The following MAN1C1 variants were observed in gnomAD, a reference collection of about 807,000 sequenced individuals.
MAN1C1 encodes the protein mannosyl-oligosaccharide 1,2-alpha-mannosidase IC.
Under a neutral mutation model 71.5 loss-of-function variants are expected in MAN1C1, and 49 were observed. That is an observed-to-expected ratio of 0.69 (90% CI 0.54 to 0.87). MAN1C1 has a LOEUF of 0.87. MAN1C1 is among the 40% of genes least tolerant of loss of function. The pLI is 0.00. For missense variants in MAN1C1, 743 were observed against 835.0 expected, an observed-to-expected ratio of 0.89 and a Z score of 1.36; for synonymous variants, 352 against 343.7, an observed-to-expected ratio of 1.02 and a Z score of -0.27.
chr1:25,708,313 TA>T (rs1037750806), intron 2 of MAN1C1, among the ~76,000 whole-genome samples: 3 of 152,124 alleles, frequency 2.0e-5, no homozygotes, highest in African/African-American at 4.8e-5. Flanking sequence ...ATGGCATTTA[TA>T]AATAGTCATG....
chr1:25,683,799 G>T (rs1030097374), intron 1 of MAN1C1, among the ~76,000 whole-genome samples: 3 of 152,166 alleles, frequency 2.0e-5, no homozygotes, highest in African/African-American at 7.2e-5. Flanking sequence ...TTCATCCCCT[G>T]TCCCCTGCTC....
At chr1:25,761,869 C>T (rs1290230714) in intron 6 of MAN1C1, among the ~76,000 whole-genome samples, 2 of 151,814 alleles carry the variant, frequency 1.3e-5, no homozygotes. Context: ...GTGATCTGCC[C>T]GCCTCGGCCT....
At chr1:25,676,657 G>A (rs764194594) in intron 1 of MAN1C1, among the ~76,000 whole-genome samples, 4 of 152,184 alleles carry the variant, frequency 2.6e-5, no homozygotes, top group African/African-American at 4.8e-5. Context: ...AATGGGGCCA[G>A]GTGTCACTGC....
chr1:25,626,576 T>C (rs984450417), intron 1 of MAN1C1, among the ~76,000 whole-genome samples: 5 of 152,106 alleles, frequency 3.3e-5, no homozygotes, highest in Non-Finnish European at 7.4e-5. Flanking sequence ...GCCAGGCTGG[T>C]TTCAATCTCC....
rs530217106 is a variant in MAN1C1 at position 25,731,092 on chromosome 1, A to G, written c.638-15576A>G. Among the ~76,000 whole-genome samples, 3 of 152,344 alleles carry G rather than the reference A, an allele frequency of 2.0e-5. No homozygotes were observed. The East Asian group carries it at 5.8e-4, about 29-fold the overall frequency. Reference sequence around the variant, plus strand: ...AGCACTTTGGGAGGTCGAGGTGGACAGACCGCCTGAGCCCAGGAGTTTGAG... The same window carrying G: ...AGCACTTTGGGAGGTCGAGGTGGACGGACCGCCTGAGCCCAGGAGTTTGAG... On this transcript the variant is annotated intron_variant, in intron 2 of 11. Transcript: ENST00000374332.
chr1:25,687,165 T>G (rs1480044013), intron 2 of MAN1C1, among the ~76,000 whole-genome samples: 3 of 152,112 alleles, frequency 2.0e-5, no homozygotes, highest in Non-Finnish European at 4.4e-5. Flanking sequence ...CACAAGCTAC[T>G]CGGAAGCCAA....
At chr1:25,781,873 T>C (rs2047700677) in intron 10 of MAN1C1, among the ~76,000 whole-genome samples, 1 of 152,158 alleles carries the variant, frequency 6.6e-6, no homozygotes, top group Non-Finnish European at 1.5e-5. Flanking sequence ...TGGGTAGAAA[T>C]TGTATTTATC....
Position 25,617,974 on chromosome 1 carries a change from G to T in MAN1C1, c.177G>T (p.Gln59His). The change falls in exon 1 of 12, where the codon CAG (glutamine) becomes CAT (histidine). Residue 59 changes from glutamine to histidine, a missense_variant. Gln to His is a conservative substitution (Grantham distance 24). Transcript: ENST00000374332. This position sits in a 1 kb window ranked among gnomAD's most constrained non-coding sequence, Gnocchi z 5.1. ...GCCTCTTCCTGGCCCCCCGGACCCA[G>T]CAGCCTGGTCTGGAAGTGGTGGCTG... ...LKRLFLAPRT[Q>H]QPGLEVVAEI... 1 of 1,608,032 alleles carries T rather than the reference G, an allele frequency of 6.2e-7. No homozygotes were observed. Among genetic ancestry groups the T allele is most frequent in the Non-Finnish European group, 8.5e-7 (1 of 1,177,970 alleles).
chr1:25,718,757 T>C (rs545504123), intron 2 of MAN1C1, among the ~76,000 whole-genome samples: 12 of 152,326 alleles, frequency 7.9e-5, no homozygotes, highest in African/African-American at 2.9e-4. Context: ...GTAGCATGCA[T>C]CAGTATTTCA....
rs561529446 is a variant in MAN1C1, at chr1:25,654,013, G to T, written c.541-32427G>T. On this transcript the variant is annotated intron_variant, in intron 1 of 11. Transcript: ENST00000374332. ...AGACCCCACAGCAAATAATTATCTG[G>T]CCCAACATGTCAGCAGTGCCGGGAC... Among the ~76,000 whole-genome samples, 4 of 152,242 alleles carry T rather than the reference G, an allele frequency of 2.6e-5. No homozygotes were observed. In the East Asian group the frequency reaches 5.8e-4, roughly 22 times the overall value.
At chr1:25,698,850 A>T (rs1159261766) in intron 2 of MAN1C1, among the ~76,000 whole-genome samples, 1 of 151,574 alleles carries the variant, frequency 6.6e-6, no homozygotes, top group Non-Finnish European at 1.5e-5. Flanking sequence ...TTGGGAGGCT[A>T]GGCAGGAGAA....
intron 2 of MAN1C1, 33 bp downstream of exon 2, chr1:25,686,569 G>A: frequency 6.3e-7 from 1 of 1,583,546 alleles, no homozygotes; most frequent in Non-Finnish European, 8.7e-7. Context: ...GATATTGGGA[G>A]GGACCCACCG....
intron 7 of MAN1C1, among the ~76,000 whole-genome samples, chr1:25,768,268 T>C (rs2047480957): frequency 5.1e-4 from 1 of 1,952 alleles, no homozygotes; most frequent in Non-Finnish European, 1.0e-3. Flanking sequence ...CTCACACACA[T>C]CACATACATC....
chr1:25,661,693 C>T (rs753202665), intron 1 of MAN1C1, among the ~76,000 whole-genome samples: 13 of 152,106 alleles, frequency 8.5e-5, no homozygotes, highest in Non-Finnish European at 1.6e-4. Flanking sequence ...TATTAGAGTT[C>T]GTGAAAATGG....
chr1:25,699,319 AAAG>A (rs1163629445), intron 2 of MAN1C1, among the ~76,000 whole-genome samples: 38 of 150,460 alleles, frequency 2.5e-4, no homozygotes, highest in East Asian at 2.1e-3. Flanking sequence ...AAAAAAAAAA[AAAG>A]AAGAAGAAGA....
intron 1 of MAN1C1, among the ~76,000 whole-genome samples, chr1:25,641,062 T>C (rs1212113716): frequency 1.3e-5 from 2 of 152,218 alleles, no homozygotes; most frequent in African/African-American, 4.8e-5. Context: ...TTTTGGATTC[T>C]GTATAGCCTG....
At chr1:25,773,662 T>A (rs1047394098) in intron 8 of MAN1C1, among the ~76,000 whole-genome samples, 5 of 152,196 alleles carry the variant, frequency 3.3e-5, no homozygotes, top group African/African-American at 1.2e-4. Context: ...GCAGCCAGGC[T>A]CCCTGCCCTC....
intron 1 of MAN1C1, among the ~76,000 whole-genome samples, chr1:25,649,567 C>G (rs2045661709): frequency 6.6e-6 from 1 of 152,184 alleles, no homozygotes; most frequent in Non-Finnish European, 1.5e-5. Flanking sequence ...TGAGGGGATC[C>G]TTTGTCCATA....
intron 2 of MAN1C1, among the ~76,000 whole-genome samples, chr1:25,742,071 C>T (rs1336000521): frequency 6.6e-6 from 1 of 152,160 alleles, no homozygotes; most frequent in Non-Finnish European, 1.5e-5. Context: ...TGGGCACTCT[C>T]AGGGCAAGAA....
Sources: allele counts gnomAD v4.1 joint callset (sites outside exome capture counted in the v4.1 genomes callset), GRCh38; gene constraint gnomAD v4.1.1; non-coding constraint Gnocchi (gnomAD v3.1); transcripts MANE v1.5; gene names NCBI Gene and HGNC (gene_info 2026-07-23, HGNC 2026-07-21).